The following RAC1 variants were observed in gnomAD, a reference collection of about 807,000 sequenced individuals.
RAC1 encodes Rac family small GTPase 1, also known as ras-related C3 botulinum toxin substrate 1.
In RAC1, 2 loss-of-function variants were observed where a neutral mutation model predicts 25.2. That is an observed-to-expected ratio of 0.08 (90% CI 0.03 to 0.25). The LOEUF (loss-of-function observed/expected upper bound fraction) is 0.25. RAC1 is among the 10% of genes least tolerant of loss of function. The pLI is 1.00. For missense variants in RAC1, 50 were observed against 235.7 expected, an observed-to-expected ratio of 0.21 and a Z score of 5.16; for synonymous variants, 88 against 94.0, an observed-to-expected ratio of 0.94 and a Z score of 0.37.
At chr7:6,399,803 T>G in intron 3 of RAC1, 1 of 301,706 alleles carries the variant, frequency 3.3e-6, no homozygotes. Flanking sequence ...CATACCTTTA[T>G]ACTTGATTTT....
intron 1 of RAC1, among the ~76,000 whole-genome samples, chr7:6,385,378 T>C (rs1782897884): frequency 6.6e-6 from 1 of 152,060 alleles, no homozygotes; most frequent in African/African-American, 2.4e-5. Flanking sequence ...TCTGCATTAA[T>C]TTTGCAGGTG....
intron 3 of RAC1, among the ~76,000 whole-genome samples, chr7:6,398,319 C>T (rs2115211365): frequency 6.6e-6 from 1 of 152,302 alleles, no homozygotes; most frequent in African/African-American, 2.4e-5. Flanking sequence ...TGGCTCCCGC[C>T]TGCCTTTGCG....
intron 3 of RAC1, among the ~76,000 whole-genome samples, chr7:6,397,234 CTG>C (rs1783266222): frequency 7.9e-6 from 1 of 126,844 alleles, no homozygotes; most frequent in Non-Finnish European, 1.6e-5. Flanking sequence ...GAGCGAGACT[CTG>C]TCTCAAAAAA....
chr7:6,375,187 G>A (rs1045412172), intron 1 of RAC1, among the ~76,000 whole-genome samples: 1 of 152,036 alleles, frequency 6.6e-6, no homozygotes, highest in African/African-American at 2.4e-5. Context: ...GGAACGCGGC[G>A]GTCAAGTCGA....
At chr7:6,398,055 A>AC (rs1783297416) in intron 3 of RAC1, among the ~76,000 whole-genome samples, 2 of 152,310 alleles carry the variant, frequency 1.3e-5, no homozygotes, top group Non-Finnish European at 2.9e-5. Context: ...TGGAGGTCTT[A>AC]GTGTCAGCAA....
At chr7:6,401,353 G>A (rs927670711) in intron 4 of RAC1, among the ~76,000 whole-genome samples, 1 of 152,054 alleles carries the variant, frequency 6.6e-6, no homozygotes, top group African/African-American at 2.4e-5. Flanking sequence ...TAAAAATAAC[G>A]ACCATTTCTT....
chr7:6,400,481 C>T (rs1371783700), intron 4 of RAC1, among the ~76,000 whole-genome samples: 1 of 151,966 alleles, frequency 6.6e-6, no homozygotes, highest in East Asian at 1.9e-4. Context: ...AAATGTGCAC[C>T]ACCATGCGTG....
chr7:6,402,138 T>C, intron 5 of RAC1, 111 bp downstream of exon 5: 1 of 1,438,530 alleles, frequency 7.0e-7, no homozygotes, highest in South Asian at 1.3e-5. Flanking sequence ...GGGCCTGGTG[T>C]ACTCTTGGGG....
chr7:6,376,075 A>T (rs1782584360), intron 1 of RAC1, among the ~76,000 whole-genome samples: 2 of 151,186 alleles, frequency 1.3e-5, no homozygotes, highest in Admixed American at 6.6e-5. Flanking sequence ...TGCAATTCAG[A>T]TGCAAGAAGG....
At chr7:6,377,006 A>C (rs992077027) in intron 1 of RAC1, among the ~76,000 whole-genome samples, 25 of 151,876 alleles carry the variant, frequency 1.6e-4, no homozygotes. Flanking sequence ...CCCTAAGCAC[A>C]TCCCCCACCT....
chr7:6,378,445 C>T (rs1782667072), intron 1 of RAC1, among the ~76,000 whole-genome samples: 1 of 151,792 alleles, frequency 6.6e-6, no homozygotes, highest in African/African-American at 2.4e-5. Flanking sequence ...ACTCAGGATG[C>T]TGAGGCAGGA....
In RAC1 at chr7:6,374,706, G is replaced by T; in HGVS notation, c.-30G>T. 1.8e-6 allele frequency: 2 copies of T among 1,092,752 alleles called. No individual in the cohort carries two copies. Among genetic ancestry groups the T allele is most frequent in the Non-Finnish European group, 2.2e-6 (2 of 897,330 alleles). 67.7% of individuals were successfully genotyped at this position (1,092,752 alleles called of 1,614,324 possible). On this transcript the variant is annotated 5_prime_UTR_variant, in exon 1 of 6. Coordinates refer to ENST00000348035, the MANE Select transcript of RAC1 (RefSeq NM_006908.5). ...CCGCTTCCTATCTCAGCGCCCTGCCGCCGCCGCCGCGGCCCAGCGAGCGGC... is the reference window on the plus strand; with the variant it reads ...CCGCTTCCTATCTCAGCGCCCTGCCTCCGCCGCCGCGGCCCAGCGAGCGGC...
intron 3 of RAC1, among the ~76,000 whole-genome samples, chr7:6,395,381 T>C (rs1018115430): frequency 2.0e-5 from 3 of 152,214 alleles, no homozygotes; most frequent in African/African-American, 7.2e-5. Flanking sequence ...TTTGTGAGGT[T>C]GGCTGTTACA....
rs1239485347 is a variant in RAC1 at position 6,403,681 on chromosome 7, C to G, written c.*1235C>G. Reference sequence around the variant, plus strand: ...CAGATTACCGACACTGTCACTTGACCAATACTGACCCTCTTTACCTCGCCC... The same window carrying G: ...CAGATTACCGACACTGTCACTTGACGAATACTGACCCTCTTTACCTCGCCC... On this transcript the variant is annotated 3_prime_UTR_variant, in exon 6 of 6. Coordinates refer to ENST00000348035, the MANE Select transcript of RAC1 (RefSeq NM_006908.5). The G allele has an allele frequency of 4.8e-6, 1 of 207,168 alleles. No homozygotes were observed. Among genetic ancestry groups the G allele is most frequent in the South Asian group, 1.9e-4 (1 of 5,298 alleles). The allele number at this position is 207,168 out of a possible 1,614,324, so 12.8% of individuals were successfully genotyped here. A position where few individuals can be genotyped will look rare whatever the true frequency, so the allele number is the denominator to read the frequency against.
chr7:6,381,966 C>G (rs1284040338), intron 1 of RAC1, among the ~76,000 whole-genome samples: 1 of 151,844 alleles, frequency 6.6e-6, no homozygotes, highest in Non-Finnish European at 1.5e-5. Flanking sequence ...TTACTAAATT[C>G]TACTGCCTTG....
rs1782536849 is a variant in RAC1 at position 6,374,931 on chromosome 7, A to G, written c.35+161A>G. Among the ~76,000 whole-genome samples the G allele has an allele frequency of 4.0e-5, 6 of 150,452 alleles. No individual in the cohort carries two copies. In the South Asian group the frequency reaches 1.3e-3, roughly 32 times the overall value. Reference sequence around the variant, plus strand: ...GCGGGGGCCGCGGGCGGGCGCCCCCACCGGACCCTGACGGCCCGGGCGGCG... The same window carrying G: ...GCGGGGGCCGCGGGCGGGCGCCCCCGCCGGACCCTGACGGCCCGGGCGGCG... On this transcript the variant is annotated intron_variant, in intron 1 of 5. Transcript: ENST00000348035.
At chr7:6,398,790 AT>A in intron 3 of RAC1, 2 of 1,423,972 alleles carry the variant, frequency 1.4e-6, no homozygotes, top group Non-Finnish European at 2.0e-6. Flanking sequence ...TTTTCCTAGG[AT>A]TTTTTATTAA....
At chr7:6,378,557 GAAAAA>G (rs1012701600) in intron 1 of RAC1, among the ~76,000 whole-genome samples, 22 of 151,692 alleles carry the variant, frequency 1.5e-4, no homozygotes, top group African/African-American at 5.1e-4. Flanking sequence ...GAAAAAAAAA[GAAAAA>G]AAGTCAGAAA....
intron 1 of RAC1, among the ~76,000 whole-genome samples, chr7:6,384,553 C>T (rs1441993723): frequency 6.6e-6 from 1 of 152,196 alleles, no homozygotes; most frequent in East Asian, 1.9e-4. Flanking sequence ...TCACAGCTCA[C>T]TGCTGCCCTG....
Sources: allele counts gnomAD v4.1 joint callset (sites outside exome capture counted in the v4.1 genomes callset), GRCh38; gene constraint gnomAD v4.1.1; transcripts MANE v1.5; gene names NCBI Gene and HGNC (gene_info 2026-07-23, HGNC 2026-07-21).